The following NUMA1 variants were observed in gnomAD, a reference collection of about 807,000 sequenced individuals.
NUMA1 encodes nuclear mitotic apparatus protein 1.
Under a neutral mutation model 237.1 loss-of-function variants are expected in NUMA1, and 62 were observed. The ratio of observed to expected loss-of-function variants is 0.26; its 90% CI spans 0.21 to 0.32. The LOEUF is 0.32. Among genes scored for constraint, NUMA1 ranks in the 10% least tolerant of loss-of-function variants. The pLI is 1.00. For missense variants in NUMA1, 2,533 were observed against 2,666.5 expected (o/e 0.95, Z 1.10); for synonymous variants, 1,028 against 1,066.1 (o/e 0.96, Z 0.70).
At position 72,013,878 on chromosome 11, in the gene NUMA1, A is replaced by G; in HGVS notation, c.3625T>C (p.Trp1209Arg). ...CGGCCCCGGGCCACCTGGGCCTTCC[A>G]CTCATCTTCAGCCTTGCTGTGGTCT... ...VQDHSKAEDE[W>R]KAQVARGRQE... is the part of the protein sequence containing the mutation. The change falls in exon 15 of 27, where the codon TGG becomes CGG. Residue 1209 changes from tryptophan (W) to arginine (R), a missense_variant. By Grantham distance (101) the Trp-to-Arg change is moderately radical (BLOSUM62 -3). This residue lies in a region of NUMA1 where 1,414 missense variants were observed against 1,508.1 expected (regional missense o/e 0.94). Coordinates refer to ENST00000393695, the MANE Select transcript of NUMA1 (RefSeq NM_006185.4). The surrounding 1 kb of genome is among the most constrained non-coding windows in gnomAD (Gnocchi z 6.8). The G allele has an allele frequency of 6.2e-7, 1 of 1,613,350 alleles. No homozygotes were observed. Among genetic ancestry groups the G allele is most frequent in the Non-Finnish European group, 8.5e-7 (1 of 1,179,908 alleles).
chr11:72,035,813 C>T (rs1464034945), intron 3 of NUMA1, 89 bp downstream of exon 3: 13 of 1,190,830 alleles, frequency 1.1e-5, no homozygotes, highest in Non-Finnish European at 1.5e-5. Flanking sequence ...GAAGACTTTA[C>T]ATAGCCCTGG....
intron 2 of NUMA1, among the ~76,000 whole-genome samples, chr11:72,053,804 A>G (rs1428273814): frequency 6.6e-6 from 1 of 152,192 alleles, no homozygotes; most frequent in African/African-American, 2.4e-5. Context: ...GAGATGAAAA[A>G]CATTTTAGGG....
chr11:72,017,681 G>A lies in NUMA1; in HGVS notation c.1119+6C>T, dbSNP rs769723608. The A allele has an allele frequency of 6.2e-7, 1 of 1,612,758 alleles. No homozygotes were observed. The highest frequency in any genetic ancestry group is 8.5e-7 in the Non-Finnish European group (1 of 1,180,004). On this transcript the variant is annotated splice_donor_region_variant and intron_variant, in intron 13 of 26. Coordinates refer to ENST00000393695, the MANE Select transcript of NUMA1 (RefSeq NM_006185.4). Reference sequence around the variant, plus strand: ...GACTGTGGCTGTGACCCCAGCAGAGGGTTACCTTGTCCTGCAGGGCTGCGC... The same window carrying A: ...GACTGTGGCTGTGACCCCAGCAGAGAGTTACCTTGTCCTGCAGGGCTGCGC...
At chr11:72,049,560 A>AATATATATATATAT (rs1555034472) in intron 2 of NUMA1, 67 of 41,000 alleles carry the variant, frequency 1.6e-3, no homozygotes, top group African/African-American at 5.1e-3. Context: ...AAATAATAAT[A>AATATATATATATAT]ATATATATAT....
In NUMA1 at chr11:72,007,226, C is replaced by T. The variant is rs138756464; in HGVS notation, c.5426G>A (p.Arg1809Gln). 1.7e-5 allele frequency: 27 copies of T among 1,612,344 alleles called. 1 individual carries two copies. Among genetic ancestry groups the T allele is most frequent in the African/African-American group, 1.6e-4 (12 of 75,014 alleles). ...DSGRKTRSAR[R>Q]RTTQIINITM... is the part of the protein sequence containing the mutation. Reference sequence around the variant, plus strand: ...GATGTTGATGATCTGCGTGGTGCGCCGACGAGCGGAGCGGGTCTTACGACC... The same window carrying T: ...GATGTTGATGATCTGCGTGGTGCGCTGACGAGCGGAGCGGGTCTTACGACC... Residue 1809 changes from arginine to glutamine, a missense_variant, in exon 21 of 27, where the codon CGG (arginine) becomes CAG (glutamine). Transcript: ENST00000393695.
chr11:72,003,800 C>T, intron 26 of NUMA1, 87 bp downstream of exon 26: 2 of 1,399,468 alleles, frequency 1.4e-6, no homozygotes, highest in East Asian at 2.4e-5. Flanking sequence ...TGGCGTGGCC[C>T]CATCTTGGAT....
At chr11:72,036,047 G>T in intron 2 of NUMA1, 72 bp from the exon 3 acceptor site, 3 of 1,188,332 alleles carry the variant, frequency 2.5e-6, no homozygotes, top group Non-Finnish European at 3.7e-6. Context: ...AAGGCGAAAT[G>T]GTTCAATTTG....
At chr11:72,079,272 T>C (rs1042529102) in intron 1 of NUMA1, among the ~76,000 whole-genome samples, 7 of 104,976 alleles carry the variant, frequency 6.7e-5, no homozygotes, top group Non-Finnish European at 1.4e-4. Flanking sequence ...CCGGGCGTGA[T>C]GGCTCACGCC....
intron 2 of NUMA1, chr11:72,040,963 C>T (rs1357667858): frequency 2.6e-5 from 4 of 151,952 alleles, no homozygotes; most frequent in Non-Finnish European, 4.4e-5. Flanking sequence ...CCTTACCAGA[C>T]TCCTAAAGCC....
chr11:72,013,501 C>G lies in NUMA1; in HGVS notation c.4002G>C (p.Glu1334Asp), dbSNP rs1197065186. ...ELGQELKAWQ[E>D]KFFQKEQALS... is the part of the protein sequence containing the mutation. ...GGGCCTGCTCTTTCTGGAAGAACTT[C>G]TCCTGCCACGCCTTCAATTCTTGGC... is the stretch of plus-strand genomic sequence containing the variant. The change falls in exon 15 of 27, where the codon GAG becomes GAC. Residue 1334 changes from glutamate (E) to aspartate (D), a missense_variant. Glu to Asp is a conservative substitution (Grantham distance 45, BLOSUM62 2). Transcript: ENST00000393695. This position sits in a 1 kb window ranked among gnomAD's most constrained non-coding sequence, Gnocchi z 6.8. 6.2e-7 allele frequency: 1 copy of G among 1,613,476 alleles called. No individual in the cohort carries two copies. The highest frequency in any genetic ancestry group is 8.5e-7 in the Non-Finnish European group (1 of 1,180,026).
chr11:72,077,181 G>A (rs1341205292), intron 1 of NUMA1, among the ~76,000 whole-genome samples: 1 of 152,202 alleles, frequency 6.6e-6, no homozygotes, highest in East Asian at 1.9e-4. Context: ...AGTTACGCAT[G>A]AGATCTGAGA....
At chr11:72,046,945 G>A (rs1390727541) in intron 2 of NUMA1, among the ~76,000 whole-genome samples, 1 of 151,998 alleles carries the variant, frequency 6.6e-6, no homozygotes, top group Non-Finnish European at 1.5e-5. Flanking sequence ...GGGTGACAGA[G>A]TGGGACTCCA....
intron 16 of NUMA1, 176 bp downstream of exon 16, chr11:72,012,225 A>T: frequency 1.6e-6 from 1 of 617,826 alleles, no homozygotes; most frequent in Non-Finnish European, 2.9e-6. Context: ...GAGGCCTGAG[A>T]GAGCCCAGCA....
chr11:72,007,494 C>A (rs978648312), intron 20 of NUMA1, 59 bp from the exon 21 acceptor site: 1 of 1,589,978 alleles, frequency 6.3e-7, no homozygotes, highest in African/African-American at 1.3e-5. Context: ...TTTTGTCCAG[C>A]CCTTTTTGAA....
intron 2 of NUMA1, among the ~76,000 whole-genome samples, chr11:72,044,108 G>C (rs1021491620): frequency 1.3e-5 from 2 of 152,164 alleles, no homozygotes; most frequent in Non-Finnish European, 2.9e-5. Flanking sequence ...CAACTTTAGA[G>C]AGGAGGATAT....
At chr11:72,040,742 C>A (rs1185819905) in intron 2 of NUMA1, 1 of 152,200 alleles carries the variant, frequency 6.6e-6, no homozygotes. Context: ...ACCCTTTGCT[C>A]TGAAAGGCGC....
chr11:72,010,663 AG>A, intron 17 of NUMA1, 122 bp downstream of exon 17: 2 of 927,556 alleles, frequency 2.2e-6, no homozygotes, highest in Non-Finnish European at 3.3e-6. Context: ...CAGGCTTCCT[AG>A]GAGGGCTACC....
chr11:72,057,984 T>A (rs1332760030), intron 2 of NUMA1, among the ~76,000 whole-genome samples: 1 of 151,378 alleles, frequency 6.6e-6, no homozygotes, highest in African/African-American at 2.4e-5. Flanking sequence ...GGCAGAAGAA[T>A]CACTTGAACC....
chr11:72,060,075 A>AGG (rs1942859720), intron 2 of NUMA1, among the ~76,000 whole-genome samples: 2 of 152,210 alleles, frequency 1.3e-5, no homozygotes, highest in South Asian at 4.1e-4. Context: ...ACAACCAGTA[A>AGG]GTCCAGACAT....
Sources: allele counts gnomAD v4.1 joint callset (sites outside exome capture counted in the v4.1 genomes callset), GRCh38; gene constraint gnomAD v4.1.1; regional missense constraint gnomAD v4.1.1; non-coding constraint Gnocchi (gnomAD v3.1); transcripts MANE v1.5; gene names NCBI Gene and HGNC (gene_info 2026-07-23, HGNC 2026-07-21).